The following PTGER4 variants were observed in gnomAD, a reference collection of about 807,000 sequenced individuals.
The protein encoded by PTGER4 is prostaglandin E2 receptor EP4 subtype.
In PTGER4, 11 loss-of-function variants were observed where a neutral mutation model predicts 33.2. The observed-to-expected ratio is 0.33, with a 90% CI of 0.21 to 0.55. The LOEUF (loss-of-function observed/expected upper bound fraction) is 0.55, where lower values mean the gene tolerates loss of function less well. Among genes scored for constraint, PTGER4 ranks in the 20% least tolerant of loss-of-function variants. The pLI, the probability that PTGER4 is intolerant of heterozygous loss-of-function variation, is 0.92. For synonymous variants in PTGER4, 275 were observed against 281.5 expected, an observed-to-expected ratio of 0.98 and a Z score of 0.23; for missense variants, 481 against 650.2, an observed-to-expected ratio of 0.74 and a Z score of 2.83.
At chr5:40,711,161 G>A in the PTGER4 span, among the ~76,000 whole-genome samples, 1 of 151,846 alleles carries the variant, frequency 6.6e-6, no homozygotes, top group African/African-American at 2.4e-5. Context: ...AGCTCATGAA[G>A]GACTTCTATC....
chr5:40,743,575 C>T, the PTGER4 span, among the ~76,000 whole-genome samples: 45 of 151,748 alleles, frequency 3.0e-4, no homozygotes, highest in African/African-American at 9.7e-4. Flanking sequence ...GGGTTCAAGA[C>T]CAGCCTGGCC....
At chr5:40,707,444 A>C in the PTGER4 span, among the ~76,000 whole-genome samples, 1 of 152,248 alleles carries the variant, frequency 6.6e-6, no homozygotes, top group Non-Finnish European at 1.5e-5. Flanking sequence ...AGGCCATTAC[A>C]TAATGGTAAA....
the PTGER4 span, among the ~76,000 whole-genome samples, chr5:40,744,259 TAGTTA>T: frequency 3.1e-3 from 465 of 152,334 alleles, 11 homozygotes; most frequent in East Asian, 0.063. Flanking sequence ...TAACATTAGC[TAGTTA>T]AGTTAATTGA....
the PTGER4 span, chr5:40,716,591 A>G: frequency 1.3e-6 from 1 of 794,174 alleles, no homozygotes; most frequent in African/African-American, 1.7e-5. Flanking sequence ...TACTGTACAC[A>G]TACACATCCT....
At chr5:40,703,902 C>CAAAAAAA in the PTGER4 span, among the ~76,000 whole-genome samples, 3 of 37,264 alleles carry the variant, frequency 8.1e-5, no homozygotes, top group East Asian at 9.3e-4. Context: ...GACGCCGTCT[C>CAAAAAAA]AAAAAAAAAA....
downstream of PTGER4, chr5:40,696,551 G>A: frequency 1.3e-5 from 7 of 535,866 alleles, no homozygotes; most frequent in Non-Finnish European, 1.7e-5. Flanking sequence ...CAAACTGGAA[G>A]TACCTTGGCA....
the PTGER4 span, among the ~76,000 whole-genome samples, chr5:40,717,534 G>A: frequency 2.0e-5 from 3 of 152,280 alleles, no homozygotes; most frequent in South Asian, 2.1e-4. Flanking sequence ...TGGAAGGGCT[G>A]TCCTCTATAA....
rs1741243270 is a variant in PTGER4, at chr5:40,683,296, A to C, written c.867+1436A>C. ...CTTAGAGGGGGCTCAGAGCCAGAAT[A>C]CAGTAGGTTCTTACCAATTTGTATA... is the stretch of plus-strand genomic sequence containing the variant. On this transcript the variant is annotated intron_variant, in intron 2 of 2. Transcript: ENST00000302472. This position sits in a 1 kb window ranked among gnomAD's most constrained non-coding sequence, Gnocchi z 4.2. 6.6e-6 allele frequency among the ~76,000 whole-genome samples: 1 copy of C among 152,246 alleles called. No individual in the cohort carries two copies. The highest frequency in any genetic ancestry group is 1.5e-5 in the Non-Finnish European group (1 of 68,042).
chr5:40,725,852 C>G, the PTGER4 span, among the ~76,000 whole-genome samples: 1 of 146,326 alleles, frequency 6.8e-6, no homozygotes, highest in Non-Finnish European at 1.5e-5. Flanking sequence ...GTGGCGCGAT[C>G]TCAGCTCACT....
chr5:40,697,086 G>A (rs1474144594), downstream of PTGER4, among the ~76,000 whole-genome samples: 2 of 61,846 alleles, frequency 3.2e-5, no homozygotes, highest in African/African-American at 7.5e-5. Context: ...AGGAAGGAAG[G>A]AAAGAAAGAG....
chr5:40,730,290 T>C, the PTGER4 span: 5 of 1,612,000 alleles, frequency 3.1e-6, no homozygotes, highest in Non-Finnish European at 4.2e-6. Context: ...TAGGGTAGCA[T>C]CATTTGGAGT....
chr5:40,692,023 C>T lies in PTGER4; in HGVS notation c.1112C>T (p.Ser371Phe). Reference sequence around the variant, plus strand: ...TGCTCAGACAGTCAAAGGACATCTTCTGCCATGTCAGGCCACTCTCGCTCC... The same window carrying T: ...TGCTCAGACAGTCAAAGGACATCTTTTGCCATGTCAGGCCACTCTCGCTCC... ...QHCSDSQRTS[S>F]AMSGHSRSFI... Residue 371 changes from serine to phenylalanine, a missense_variant, in exon 3 of 3, where the codon TCT becomes TTT. Physicochemically the swap from Ser to Phe is radical, Grantham distance 155 (BLOSUM62 -2). This residue lies in a region of PTGER4 where 172 missense variants were observed against 199.2 expected (regional missense o/e 0.86). Coordinates refer to ENST00000302472, the MANE Select transcript of PTGER4 (RefSeq NM_000958.3). 1 of 1,614,238 alleles carries T rather than the reference C, an allele frequency of 6.2e-7. No individual in the cohort carries two copies. Among genetic ancestry groups the T allele is most frequent in the South Asian group, 1.1e-5 (1 of 91,092 alleles).
intron 2 of PTGER4, among the ~76,000 whole-genome samples, chr5:40,690,970 C>T (rs1375678876): frequency 2.0e-5 from 3 of 152,204 alleles, no homozygotes; most frequent in East Asian, 1.9e-4. Flanking sequence ...AATATTAAAG[C>T]TATACGAACT....
chr5:40,707,014 GAGCTCCTGA>G, the PTGER4 span, among the ~76,000 whole-genome samples: 1 of 152,124 alleles, frequency 6.6e-6, no homozygotes, highest in Admixed American at 6.6e-5. Context: ...TGCCCTACAA[GAGCTCCTGA>G]AGGAAGCACT....
chr5:40,711,865 C>T, the PTGER4 span, among the ~76,000 whole-genome samples: 7 of 152,020 alleles, frequency 4.6e-5, no homozygotes, highest in East Asian at 1.9e-4. Flanking sequence ...TCAAATCTAA[C>T]GTATAGCCAC....
At chr5:40,737,069 G>A in the PTGER4 span, among the ~76,000 whole-genome samples, 1 of 152,146 alleles carries the variant, frequency 6.6e-6, no homozygotes, top group Non-Finnish European at 1.5e-5. Flanking sequence ...GCCAAGGCAG[G>A]AAGATCGCCT....
At chr5:40,713,847 CTA>C in the PTGER4 span, among the ~76,000 whole-genome samples, 15,053 of 152,180 alleles carry the variant, frequency 0.099, 936 homozygotes, top group East Asian at 0.25. Context: ...CAAGCTTAGT[CTA>C]TGTTTGTATA....
the PTGER4 span, among the ~76,000 whole-genome samples, chr5:40,730,878 A>T: frequency 6.6e-6 from 1 of 152,192 alleles, no homozygotes; most frequent in Non-Finnish European, 1.5e-5. Flanking sequence ...ACTTAGTATA[A>T]TTTAACACCC....
downstream of PTGER4, among the ~76,000 whole-genome samples, chr5:40,694,554 A>T (rs1369303727): frequency 3.9e-5 from 6 of 152,204 alleles, no homozygotes; most frequent in Non-Finnish European, 1.5e-5. Flanking sequence ...CTTGACTTGC[A>T]GATGGCTCCC....
Sources: gnomAD v4.1 joint callset for allele counts (sites outside exome capture counted in the v4.1 genomes callset) on GRCh38, gnomAD v4.1.1 for gene constraint, gnomAD v4.1.1 regional missense constraint, Gnocchi (gnomAD v3.1) non-coding constraint, MANE v1.5 for transcripts, NCBI Gene and HGNC (gene_info 2026-07-23, HGNC 2026-07-21) for gene names.